CCDC150: variants seen among roughly 807,000 people sequenced by gnomAD.
CCDC150 encodes coiled-coil domain-containing protein 150.
In CCDC150, 151 loss-of-function variants were observed where a neutral mutation model predicts 156.5. That is an observed-to-expected ratio of 0.97 (90% CI 0.85 to 1.10). The LOEUF is 1.10. Among genes scored for constraint, CCDC150 ranks in the 50% least tolerant of loss-of-function variants. CCDC150 has a pLI of 0.00. For missense variants in CCDC150, 1,312 were observed against 1,268.1 expected (o/e 1.03, Z -0.53); for synonymous variants, 452 against 429.4 (o/e 1.05, Z -0.65).
chr2:196,712,040 T>A, intron 15 of CCDC150, 105 bp from the exon 16 acceptor site: 24 of 330,832 alleles, frequency 7.3e-5, no homozygotes, highest in African/African-American at 8.7e-5. Flanking sequence ...TTTTTACAAC[T>A]CATGACCCTT....
chr2:196,732,236 C>A, intron 27 of CCDC150, 84 bp downstream of exon 27: 1 of 1,442,898 alleles, frequency 6.9e-7, no homozygotes, highest in South Asian at 1.2e-5. Flanking sequence ...CTCATCATCT[C>A]GATACTCTCT....
chr2:196,661,548 TAG>T (rs1432531998), intron 5 of CCDC150, among the ~76,000 whole-genome samples: 1 of 152,170 alleles, frequency 6.6e-6, no homozygotes, highest in Non-Finnish European at 1.5e-5. Context: ...TGTCTCCAAA[TAG>T]AGTCTCATTG....
chr2:196,716,595 A>G (rs1013101222), intron 17 of CCDC150, among the ~76,000 whole-genome samples: 17 of 152,222 alleles, frequency 1.1e-4, no homozygotes, highest in African/African-American at 4.1e-4. Flanking sequence ...GAGAATCACC[A>G]GAAGTGTGGG....
chr2:196,701,061 A>G, intron 14 of CCDC150, 48 bp from the exon 15 acceptor site: 2 of 1,210,194 alleles, frequency 1.7e-6, no homozygotes, highest in Non-Finnish European at 2.4e-6. Flanking sequence ...GAAAATGGTT[A>G]TTCCTTTCTA....
In CCDC150 at chr2:196,732,078, T is replaced by C. The variant is rs1417209884; in HGVS notation, c.3115T>C (p.Phe1039Leu). Residue 1039 changes from phenylalanine to leucine, a missense_variant, in exon 27 of 28, where the codon TTT becomes CTT. Transcript: ENST00000389175. ...AGCTCATCGCTGGTTTAAGCACAGG[T>C]TTGATGGTCTACAACTTGAGCTGAC... is the stretch of plus-strand genomic sequence containing the variant. The part of the protein sequence containing the change: ...EEAHRWFKHR[F>L]DGLQLELTKN... 6.2e-7 allele frequency: 1 copy of C among 1,613,846 alleles called. No individual in the cohort carries two copies. The highest frequency in any genetic ancestry group is 8.5e-7 in the Non-Finnish European group (1 of 1,179,804).
chr2:196,677,220 G>A, intron 12 of CCDC150, 73 bp from the exon 13 acceptor site: 1 of 914,992 alleles, frequency 1.1e-6, no homozygotes, highest in East Asian at 2.6e-5. Flanking sequence ...TGCAGGATAT[G>A]TGTGCTATAG....
At chr2:196,677,084 C>T (rs1488503952) in intron 12 of CCDC150, 2 of 694,114 alleles carry the variant, frequency 2.9e-6, no homozygotes, top group Non-Finnish European at 5.3e-6. Context: ...CCAGCAGAGT[C>T]TGACATGCAG....
In CCDC150 at chr2:196,725,969, A is replaced by G; in HGVS notation, c.2430-4A>G. 1 of 1,589,974 alleles carries G rather than the reference A, an allele frequency of 6.3e-7. No individual in the cohort carries two copies. The highest frequency in any genetic ancestry group is 8.6e-7 in the Non-Finnish European group (1 of 1,167,470). ...TGACTTATCACCTCTCTTCTTCAAA[A>G]CAGAGACCGGATGACTGAAGAGTCC... On this transcript the variant is annotated splice_region_variant and splice_polypyrimidine_tract_variant and intron_variant, in intron 21 of 27. Transcript: ENST00000389175.
intron 17 of CCDC150, among the ~76,000 whole-genome samples, chr2:196,716,007 T>G (rs942347072): frequency 6.6e-6 from 1 of 152,128 alleles, no homozygotes; most frequent in Non-Finnish European, 1.5e-5. Flanking sequence ...TTTTTAAGAT[T>G]TAAATACTAA....
At chr2:196,660,978 A>G (rs571147315) in intron 5 of CCDC150, among the ~76,000 whole-genome samples, 32 of 152,348 alleles carry the variant, frequency 2.1e-4, no homozygotes, top group African/African-American at 7.5e-4. Flanking sequence ...CATGAAAGGT[A>G]TGAGATCTGT....
At chr2:196,656,605 ATAT>A (rs1693202600) in intron 2 of CCDC150, 25 bp from the exon 3 acceptor site, 1 of 1,478,390 alleles carries the variant, frequency 6.8e-7, no homozygotes, top group African/African-American at 1.4e-5. Flanking sequence ...GCATTGCATA[ATAT>A]TGTTATATTG....
At chr2:196,697,957 A>G (rs1310486650) in intron 14 of CCDC150, among the ~76,000 whole-genome samples, 2 of 152,148 alleles carry the variant, frequency 1.3e-5, no homozygotes, top group Non-Finnish European at 2.9e-5. Flanking sequence ...GTTAAAATGG[A>G]TATTCTAATG....
chr2:196,721,352 G>T, intron 20 of CCDC150, among the ~76,000 whole-genome samples, 170 bp from the exon 21 acceptor site: 1 of 15,974 alleles, frequency 6.3e-5, no homozygotes, highest in East Asian at 0.014. Flanking sequence ...ATATGTGTGT[G>T]CATATATATA....
intron 21 of CCDC150, 44 bp from the exon 22 acceptor site, chr2:196,725,929 A>C (rs1400144965): frequency 4.5e-6 from 7 of 1,541,280 alleles, no homozygotes; most frequent in African/African-American, 1.4e-5. Context: ...TACCTCCTAA[A>C]ATGATTTCTA....
chr2:196,657,938 A>G (rs1230262046), intron 4 of CCDC150, among the ~76,000 whole-genome samples: 1 of 152,156 alleles, frequency 6.6e-6, no homozygotes, highest in Non-Finnish European at 1.5e-5. Context: ...AAATATATAA[A>G]CTAGCCTTAC....
chr2:196,641,996 G>A (rs550222385), intron 1 of CCDC150, among the ~76,000 whole-genome samples: 1 of 152,196 alleles, frequency 6.6e-6, no homozygotes, highest in South Asian at 2.1e-4. Flanking sequence ...CTTTCCATAA[G>A]GTTACCTGCC....
At position 196,679,454 on chromosome 2, in the gene CCDC150, A is replaced by G. The variant is rs80318690; in HGVS notation, c.1509+2093A>G. On this transcript the variant is annotated intron_variant, in intron 13 of 27. Transcript: ENST00000389175. ...AAATTTAATTTTTTTCATTTAGCATAAGGCATTTGAGATTCATCCATGTTG... is the reference window on the plus strand; with the variant it reads ...AAATTTAATTTTTTTCATTTAGCATGAGGCATTTGAGATTCATCCATGTTG... Among the ~76,000 whole-genome samples the G allele has an allele frequency of 5.8e-4, 89 of 152,328 alleles. 3 individuals carry two copies. In the East Asian group the frequency reaches 0.014, roughly 24 times the overall value.
In CCDC150 at chr2:196,729,239, C is replaced by T. The variant is rs1390799090; in HGVS notation, c.2603C>T (p.Ser868Phe). The change falls in exon 23 of 28, where the codon TCC becomes TTC. Residue 868 changes from serine (S) to phenylalanine (F), a missense_variant. Coordinates refer to ENST00000389175, the MANE Select transcript of CCDC150 (RefSeq NM_001080539.2). ...GCTAACTTCAGATCAGTGGAAGTGT[C>T]CCGGACCAACCGAGAGCTGCGACAG... ...DEANFRSVEVSRTNRELRQKL... is the reference protein window; with the variant it reads ...DEANFRSVEVFRTNRELRQKL... The T allele has an allele frequency of 1.2e-6, 2 of 1,613,378 alleles. No homozygotes were observed. The highest frequency in any genetic ancestry group is 1.7e-6 in the Non-Finnish European group (2 of 1,179,776).
chr2:196,714,028 A>G (rs934487179), intron 17 of CCDC150, among the ~76,000 whole-genome samples: 4 of 152,180 alleles, frequency 2.6e-5, no homozygotes, highest in African/African-American at 7.2e-5. Flanking sequence ...GAAATTTAAC[A>G]TTGGAAAATA....
Sources: gnomAD v4.1 joint callset for allele counts (sites outside exome capture counted in the v4.1 genomes callset) on GRCh38, gnomAD v4.1.1 for gene constraint, MANE v1.5 for transcripts, NCBI Gene and HGNC (gene_info 2026-07-23, HGNC 2026-07-21) for gene names.